The following EEF2K variants were observed in gnomAD, a reference collection of about 807,000 sequenced individuals.
EEF2K encodes the protein alternative protein EEF2K.
In EEF2K, 70 loss-of-function variants were observed where a neutral mutation model predicts 93.8. That is an observed-to-expected ratio of 0.75 (90% CI 0.62 to 0.91). EEF2K has a LOEUF of 0.91. EEF2K is among the 40% of genes least tolerant of loss of function. EEF2K has a pLI of 0.00. For missense variants in EEF2K, 935 were observed against 972.9 expected (o/e 0.96, Z 0.52); for synonymous variants, 376 against 380.8 (o/e 0.99, Z 0.15).
intron 6 of EEF2K, among the ~76,000 whole-genome samples, chr16:22,252,700 A>G (rs1054480015): frequency 1.2e-4 from 18 of 152,204 alleles, no homozygotes; most frequent in Admixed American, 1.1e-3. Context: ...TGATAAAGAC[A>G]TACCCAAGAC....
rs2047404094 is a variant in EEF2K, at chr16:22,256,731, A to G, written c.619-17A>G. Reference sequence around the variant, plus strand: ...CGCCTGGGCCCTCCCGCCTGAGCCCACTCCCCATCCCACCAGGTGGACATC... The same window carrying G: ...CGCCTGGGCCCTCCCGCCTGAGCCCGCTCCCCATCCCACCAGGTGGACATC... On this transcript the variant is annotated splice_polypyrimidine_tract_variant and intron_variant, in intron 6 of 17. Transcript: ENST00000263026. The G allele has an allele frequency of 1.2e-6, 2 of 1,611,876 alleles. No homozygotes were observed. The highest frequency in any genetic ancestry group is 3.3e-5 in the Admixed American group (2 of 59,838).
chr16:22,233,494 C>T (rs2047136426), intron 2 of EEF2K, among the ~76,000 whole-genome samples: 1 of 149,734 alleles, frequency 6.7e-6, no homozygotes, highest in East Asian at 2.0e-4. Flanking sequence ...CCCTGGCCAA[C>T]ATGGTGAAAC....
At position 22,266,476 on chromosome 16, in the gene EEF2K, T is replaced by C. The variant is rs138596775; in HGVS notation, c.1527T>C (p.Leu509=). 3.7e-5 allele frequency: 60 copies of C among 1,614,072 alleles called. No homozygotes were observed. The highest frequency in any genetic ancestry group is 1.6e-4 in the Middle Eastern group (1 of 6,084). ...CCGTGGCCCTGGAAGTGCAAAGGCT[T>C]AATGCTCTGGACCTCGAAAAGAAAA... The part of the protein sequence containing the change: ...ASAVALEVQR[L]NALDLEKKIG... Residue 509 remains leucine, a synonymous_variant, in exon 14 of 18, where the codon CTT becomes CTC. Transcript: ENST00000263026.
chr16:22,240,255 T>G (rs1376006699), intron 2 of EEF2K, among the ~76,000 whole-genome samples: 1 of 152,108 alleles, frequency 6.6e-6, no homozygotes. Flanking sequence ...ATCAAGTCAA[T>G]AACAAAAAAG....
At chr16:22,272,683 T>G (rs899494328) in intron 15 of EEF2K, among the ~76,000 whole-genome samples, 5 of 145,360 alleles carry the variant, frequency 3.4e-5, no homozygotes, top group Non-Finnish European at 6.0e-5. Flanking sequence ...TTTTTTTTTT[T>G]GAGACGGTGT....
chr16:22,277,516 A>G (rs1371837891), intron 16 of EEF2K, among the ~76,000 whole-genome samples: 1 of 152,186 alleles, frequency 6.6e-6, no homozygotes. Flanking sequence ...TTCATTTACC[A>G]GACATTTATT....
intron 1 of EEF2K, among the ~76,000 whole-genome samples, chr16:22,222,124 A>G (rs1296491792): frequency 6.6e-6 from 1 of 152,150 alleles, no homozygotes; most frequent in African/African-American, 2.4e-5. Context: ...ACAGCTGCTT[A>G]TTTCGAGTGC....
At chr16:22,241,915 G>A (rs1042991011) in intron 2 of EEF2K, among the ~76,000 whole-genome samples, 2 of 151,964 alleles carry the variant, frequency 1.3e-5, no homozygotes, top group Admixed American at 6.6e-5. Context: ...GATCACTTGA[G>A]GCCAGGAGTT....
chr16:22,273,489 C>A, intron 15 of EEF2K, 137 bp from the exon 16 acceptor site: 2 of 1,272,366 alleles, frequency 1.6e-6, no homozygotes, highest in Non-Finnish European at 2.2e-6. Context: ...TCAAGTGCCC[C>A]CTCCTATCTC....
Position 22,257,757 on chromosome 16 carries a change from A to T in EEF2K, c.1016A>T (p.Asn339Ile). ...SPRERDAVNQ[N>I]TKLLQSAKTI... is the part of the protein sequence containing the mutation. ...CGGGAGAGGGATGCAGTGAATCAGA[A>T]CACCAAGCTGCTGGTGGGTGCCCAG... is the stretch of plus-strand genomic sequence containing the variant. Residue 339 changes from asparagine (N) to isoleucine (I), a missense_variant, in exon 9 of 18, where the codon AAC (asparagine) becomes ATC (isoleucine). Coordinates refer to ENST00000263026, the MANE Select transcript of EEF2K (RefSeq NM_013302.5). 2 of 1,613,740 alleles carry T rather than the reference A, an allele frequency of 1.2e-6. No homozygotes were observed. The highest frequency in any genetic ancestry group is 1.7e-6 in the Non-Finnish European group (2 of 1,179,988).
At chr16:22,226,532 T>A (rs1196799360) in intron 2 of EEF2K, among the ~76,000 whole-genome samples, 4 of 148,658 alleles carry the variant, frequency 2.7e-5, no homozygotes, top group South Asian at 2.1e-4. Context: ...TTTTTTTTTT[T>A]ATAAACGTGG....
Position 22,258,537 on chromosome 16 carries a change from G to A in EEF2K, c.1073G>A (p.Gly358Glu), listed in dbSNP as rs1567281104. 6.2e-7 allele frequency: 1 copy of A among 1,613,984 alleles called. No individual in the cohort carries two copies. The highest frequency in any genetic ancestry group is 2.2e-5 in the East Asian group (1 of 44,866). The change falls in exon 10 of 18, where the codon GGG becomes GAG. Residue 358 changes from glycine to glutamate, a missense_variant. By Grantham distance (98) the Gly-to-Glu change is moderately conservative. Transcript: ENST00000263026. ...TTGAGAGGAACAGAGGAAAAATGTG[G>A]GAGCCCCCAAGTAAGGACCCTCTCT... ...TILRGTEEKCGSPQVRTLSGS... is the reference protein window; with the variant it reads ...TILRGTEEKCESPQVRTLSGS...
chr16:22,255,074 A>G (rs763941392), intron 6 of EEF2K, among the ~76,000 whole-genome samples: 1 of 152,194 alleles, frequency 6.6e-6, no homozygotes, highest in Non-Finnish European at 1.5e-5. Flanking sequence ...TAAAATATAA[A>G]ATAAAATGAA....
intron 2 of EEF2K, among the ~76,000 whole-genome samples, chr16:22,240,656 C>T (rs2047212790): frequency 6.6e-6 from 1 of 152,268 alleles, no homozygotes; most frequent in African/African-American, 2.4e-5. Flanking sequence ...AAGGAGGTTA[C>T]CCCAGCCAGT....
intron 6 of EEF2K, among the ~76,000 whole-genome samples, chr16:22,255,116 A>G (rs2047386996): frequency 2.0e-5 from 3 of 152,186 alleles, no homozygotes; most frequent in African/African-American, 4.8e-5. Context: ...TTTTGCATCA[A>G]TAAGTTTAAT....
chr16:22,268,335 C>T (rs539363410), intron 15 of EEF2K, among the ~76,000 whole-genome samples: 1 of 151,844 alleles, frequency 6.6e-6, no homozygotes, highest in Non-Finnish European at 1.5e-5. Flanking sequence ...CCTGCCACCG[C>T]ACCCAGCTAA....
At chr16:22,212,188 T>C (rs754290) in intron 1 of EEF2K, among the ~76,000 whole-genome samples, 73,100 of 152,202 alleles carry the variant, frequency 0.48, 21,320 homozygotes, top group East Asian at 0.88. Flanking sequence ...AGCCCTTGCA[T>C]GATGACAGTT....
At chr16:22,231,408 G>A (rs763282331) in intron 2 of EEF2K, among the ~76,000 whole-genome samples, 3 of 151,588 alleles carry the variant, frequency 2.0e-5, no homozygotes, top group Non-Finnish European at 4.4e-5. Context: ...GAGCCACCAC[G>A]CCCGACCTGA....
Position 22,266,731 on chromosome 16 carries a change from G to A in EEF2K, c.1619G>A (p.Cys540Tyr). The change falls in exon 15 of 18, where the codon TGC becomes TAC. Residue 540 changes from cysteine (C) to tyrosine (Y), a missense_variant. By Grantham distance (194) the Cys-to-Tyr change is radical. Coordinates refer to ENST00000263026, the MANE Select transcript of EEF2K (RefSeq NM_013302.5). ...CGCTACCACGAGGGTGGGCGCTTCT[G>A]CGAGAAGGGCGAGGAGTGGGACCAG... ...MVRYHEGGRF[C>Y]EKGEEWDQES... The A allele has an allele frequency of 6.2e-7, 1 of 1,613,976 alleles. No individual in the cohort carries two copies. The highest frequency in any genetic ancestry group is 8.5e-7 in the Non-Finnish European group (1 of 1,179,942).
Sources: allele counts gnomAD v4.1 joint callset (sites outside exome capture counted in the v4.1 genomes callset), GRCh38; gene constraint gnomAD v4.1.1; transcripts MANE v1.5; gene names NCBI Gene and HGNC (gene_info 2026-07-23, HGNC 2026-07-21).